The following GRID1 variants were observed in gnomAD, a reference collection of about 807,000 sequenced individuals.
GRID1 encodes glutamate ionotropic receptor delta type subunit 1.
GRID1 carries 28 observed loss-of-function variants against 98.0 expected under a neutral mutation model. The ratio of observed to expected loss-of-function variants is 0.29; its 90% CI spans 0.21 to 0.39. The LOEUF (loss-of-function observed/expected upper bound fraction) is 0.39. Ranked by LOEUF, GRID1 falls within the 10% of genes least tolerant of loss-of-function variation. The pLI is 1.00. For synonymous variants in GRID1, 553 were observed against 538.5 expected (o/e 1.03, Z -0.37); for missense variants, 1,111 against 1,340.5 (o/e 0.83, Z 2.67).
At chr10:86,060,999 A>T (rs1221618083) in intron 4 of GRID1, among the ~76,000 whole-genome samples, 1 of 151,948 alleles carries the variant, frequency 6.6e-6, no homozygotes, top group Admixed American at 6.6e-5. Flanking sequence ...AGGACTCCCT[A>T]TGCCTCCCCA....
At chr10:85,692,677 A>G (rs200563948) in intron 12 of GRID1, among the ~76,000 whole-genome samples, 44 of 150,194 alleles carry the variant, frequency 2.9e-4, no homozygotes, top group African/African-American at 9.9e-4. Context: ...AAAAAAAAAA[A>G]AAGAAGAAGA....
chr10:85,913,185 A>T (rs1350033380), intron 5 of GRID1, among the ~76,000 whole-genome samples: 1 of 152,152 alleles, frequency 6.6e-6, no homozygotes, highest in Non-Finnish European at 1.5e-5. Flanking sequence ...ATTCCCCATC[A>T]GTGTGCATAC....
chr10:85,939,877 C>T (rs149482488), intron 4 of GRID1, among the ~76,000 whole-genome samples: 4,807 of 151,910 alleles, frequency 0.032, 242 homozygotes, highest in African/African-American at 0.11. Flanking sequence ...ACCAGCCTGG[C>T]CAACATGGTG....
intron 2 of GRID1, among the ~76,000 whole-genome samples, chr10:86,234,823 T>C (rs911633125): frequency 3.9e-5 from 6 of 152,080 alleles, no homozygotes; most frequent in Non-Finnish European, 7.4e-5. Context: ...ACAGCAGGCA[T>C]ACTGGCGACA....
chr10:85,684,628 T>A (rs1841248120), intron 12 of GRID1, among the ~76,000 whole-genome samples: 1 of 152,180 alleles, frequency 6.6e-6, no homozygotes, highest in Admixed American at 6.5e-5. Context: ...TTAAACATCA[T>A]CCTAAATGGC....
At position 86,192,217 on chromosome 10, in the gene GRID1, C is replaced by T. The variant is rs1845812475; in HGVS notation, c.520+14147G>A. On this transcript the variant is annotated intron_variant, in intron 3 of 15. Transcript: ENST00000327946. The surrounding 1 kb of genome is among the most constrained non-coding windows in gnomAD (Gnocchi z 4.8). The stretch of plus-strand genomic sequence containing the variant: ...GCGCACACACACACACATGGAGGCT[C>T]CAAGAGACGACATTCCTCTCCCAAC... Among the ~76,000 whole-genome samples the T allele has an allele frequency of 6.6e-6, 1 of 152,072 alleles. No homozygotes were observed.
chr10:85,652,687 A>G (rs894623116), intron 12 of GRID1, among the ~76,000 whole-genome samples: 2 of 152,168 alleles, frequency 1.3e-5, no homozygotes, highest in African/African-American at 2.4e-5. Flanking sequence ...GGGCTCCACA[A>G]CTGGCTTCCA....
chr10:85,948,794 A>G (rs1335578275), intron 4 of GRID1, among the ~76,000 whole-genome samples: 1 of 152,232 alleles, frequency 6.6e-6, no homozygotes, highest in East Asian at 1.9e-4. Flanking sequence ...TTCTAAGTAT[A>G]TACAGTATTT....
chr10:86,058,185 G>A (rs1338644675), intron 4 of GRID1, among the ~76,000 whole-genome samples: 1 of 152,114 alleles, frequency 6.6e-6, no homozygotes, highest in Non-Finnish European at 1.5e-5. Flanking sequence ...TCCTCCCCCA[G>A]CCCTCCTATG....
chr10:86,353,942 AG>A (rs541153288), intron 2 of GRID1, among the ~76,000 whole-genome samples: 7 of 152,254 alleles, frequency 4.6e-5, no homozygotes, highest in East Asian at 1.9e-4. Context: ...CACTGTTGGG[AG>A]GGGGGCTCGG....
At chr10:86,250,696 C>T (rs919881754) in intron 2 of GRID1, among the ~76,000 whole-genome samples, 1 of 151,832 alleles carries the variant, frequency 6.6e-6, no homozygotes, top group African/African-American at 2.4e-5. Flanking sequence ...GGGGACAGCC[C>T]CCGCCCAGCC....
intron 1 of GRID1, among the ~76,000 whole-genome samples, chr10:86,364,456 T>C (rs1246447527): frequency 6.6e-6 from 1 of 152,160 alleles, no homozygotes. Flanking sequence ...AGCGCCCAAA[T>C]GCCTTGACAT....
chr10:85,991,241 A>G (rs537605360), intron 4 of GRID1, among the ~76,000 whole-genome samples: 1 of 152,072 alleles, frequency 6.6e-6, no homozygotes, highest in East Asian at 1.9e-4. Context: ...AAAGGGGGAG[A>G]TGTGGATGAT....
chr10:85,619,023 C>T (rs1032228109), intron 14 of GRID1, among the ~76,000 whole-genome samples: 6 of 152,242 alleles, frequency 3.9e-5, no homozygotes, highest in African/African-American at 1.4e-4. Flanking sequence ...GATGCTTCTG[C>T]CTCATTTTGG....
intron 4 of GRID1, among the ~76,000 whole-genome samples, chr10:85,967,246 A>T (rs1358945395): frequency 6.6e-6 from 1 of 152,222 alleles, no homozygotes; most frequent in Non-Finnish European, 1.5e-5. Context: ...GAACAAACTA[A>T]TACAGATACA....
intron 6 of GRID1, among the ~76,000 whole-genome samples, chr10:85,857,757 G>A (rs562201878): frequency 6.2e-4 from 94 of 152,264 alleles, no homozygotes; most frequent in African/African-American, 2.0e-3. Context: ...CAGCCTCACA[G>A]GACTCCTGGG....
intron 8 of GRID1, among the ~76,000 whole-genome samples, chr10:85,733,995 TA>T (rs1841852638): frequency 6.6e-6 from 1 of 152,190 alleles, no homozygotes; most frequent in African/African-American, 2.4e-5. Flanking sequence ...CATAGATGAT[TA>T]AGCAATATCC....
intron 4 of GRID1, among the ~76,000 whole-genome samples, chr10:86,117,646 C>T (rs917395964): frequency 6.6e-6 from 1 of 152,164 alleles, no homozygotes; most frequent in Non-Finnish European, 1.5e-5. Context: ...CACCATTAAC[C>T]TCACAGATCA....
intron 2 of GRID1, among the ~76,000 whole-genome samples, chr10:86,210,108 A>G (rs766901770): frequency 4.1e-4 from 63 of 151,988 alleles, no homozygotes; most frequent in Non-Finnish European, 9.1e-4. Context: ...GAGAGAAAGG[A>G]AGCTCCCTGG....
Sources: gnomAD v4.1 joint callset for allele counts (sites outside exome capture counted in the v4.1 genomes callset) on GRCh38, gnomAD v4.1.1 for gene constraint, Gnocchi (gnomAD v3.1) non-coding constraint, MANE v1.5 for transcripts, NCBI Gene and HGNC (gene_info 2026-07-23, HGNC 2026-07-21) for gene names.